Variants in HMGCS1 observed in about 807,000 individuals in gnomAD.
The protein encoded by HMGCS1 is 3-hydroxy-3-methylglutaryl-CoA synthase 1.
Under a neutral mutation model 52.3 loss-of-function variants are expected in HMGCS1, and 9 were observed. That is an observed-to-expected ratio of 0.17 (90% CI 0.10 to 0.30). The LOEUF (loss-of-function observed/expected upper bound fraction) is 0.30. HMGCS1 is among the 10% of genes least tolerant of loss of function. The pLI, the probability that HMGCS1 is intolerant of heterozygous loss-of-function variation, is 1.00. For missense variants in HMGCS1, 320 were observed against 620.9 expected, an observed-to-expected ratio of 0.52 and a Z score of 5.15; for synonymous variants, 176 against 214.4, an observed-to-expected ratio of 0.82 and a Z score of 1.57.
intron 1 of HMGCS1, among the ~76,000 whole-genome samples, chr5:43,311,333 A>G (rs1754858206): frequency 1.3e-5 from 2 of 152,080 alleles, no homozygotes; most frequent in Admixed American, 1.3e-4. Flanking sequence ...AAAAAAAAAA[A>G]AAAAAAAAAA....
chr5:43,297,250 A>G, intron 4 of HMGCS1, 84 bp from the exon 5 acceptor site: 2 of 1,098,538 alleles, frequency 1.8e-6, no homozygotes, highest in Non-Finnish European at 2.6e-6. Context: ...TTATCTAAGG[A>G]CCTTCCTTAA....
chr5:43,312,813 A>T lies in HMGCS1; in HGVS notation c.-70+543T>A, dbSNP rs143162223. On this transcript the variant is annotated intron_variant, in intron 1 of 10. Coordinates refer to ENST00000325110, the MANE Select transcript of HMGCS1 (RefSeq NM_001098272.3). ...ATCACGGTTGTGAACGCTTTCTTGCACCTGAGCTGAGGAAGAAAAGTAATG... is the reference window on the plus strand; with the variant it reads ...ATCACGGTTGTGAACGCTTTCTTGCTCCTGAGCTGAGGAAGAAAAGTAATG... Among the ~76,000 whole-genome samples, 275 of 152,288 alleles carry T rather than the reference A, an allele frequency of 1.8e-3. 2 individuals carry two copies. The highest frequency in any genetic ancestry group is 7.1e-4 in the Non-Finnish European group (48 of 68,024).
At chr5:43,300,957 C>A (rs769207958) in intron 2 of HMGCS1, among the ~76,000 whole-genome samples, 1 of 151,898 alleles carries the variant, frequency 6.6e-6, no homozygotes, top group East Asian at 1.9e-4. Flanking sequence ...CTTATCCTCT[C>A]GAATATTCAC....
At position 43,298,227 on chromosome 5, in the gene HMGCS1, C is replaced by A; in HGVS notation, c.449-93G>T. The A allele has an allele frequency of 9.2e-7, 1 of 1,091,882 alleles. No homozygotes were observed. The highest frequency in any genetic ancestry group is 1.3e-6 in the Non-Finnish European group (1 of 762,328). The allele number at this position is 1,091,882 out of a possible 1,614,324, so 67.6% of individuals were successfully genotyped here. ...TCTGTTATATTTTCCCCAGAATATG[C>A]TTTTCCCTTCTTTGATAAAGAAAGA... On this transcript the variant is annotated intron_variant, in intron 3 of 10. Transcript: ENST00000325110. This position sits in a 1 kb window ranked among gnomAD's most constrained non-coding sequence, Gnocchi z 5.6.
chr5:43,300,343 T>C (rs1309787517), intron 2 of HMGCS1, among the ~76,000 whole-genome samples: 2 of 152,198 alleles, frequency 1.3e-5, no homozygotes, highest in Non-Finnish European at 2.9e-5. Context: ...AGAATTTCAT[T>C]GACCCAAAGG....
intron 8 of HMGCS1, 95 bp from the exon 9 acceptor site, chr5:43,293,068 C>T: frequency 9.8e-7 from 1 of 1,023,848 alleles, no homozygotes; most frequent in Non-Finnish European, 1.5e-6. Context: ...GGCAAAACAA[C>T]TTTTCATTTT....
At chr5:43,292,439 C>G (rs1561108519) in intron 10 of HMGCS1, 35 bp downstream of exon 10, 3 of 1,591,978 alleles carry the variant, frequency 1.9e-6, no homozygotes, top group African/African-American at 2.7e-5. Context: ...GTCTCCTAAA[C>G]CCTAAGATAT....
At position 43,306,164 on chromosome 5, in the gene HMGCS1, C is replaced by T. The variant is rs546018815; in HGVS notation, c.-11+1602G>A. Among the ~76,000 whole-genome samples the T allele has an allele frequency of 6.6e-5, 10 of 152,310 alleles. No homozygotes were observed. The East Asian group carries it at 1.9e-3, about 29-fold the overall frequency. ...TCCCTCTGGTGGACAAAAGAAACTC[C>T]ATATGCTATTTCCAGAATCAGTAAA... On this transcript the variant is annotated intron_variant, in intron 2 of 10. Transcript: ENST00000325110.
Position 43,300,256 on chromosome 5 carries a change from G to GA in HMGCS1, c.-10-1282dup, listed in dbSNP as rs566666359. On this transcript the variant is annotated intron_variant, in intron 2 of 10. Coordinates refer to ENST00000325110, the MANE Select transcript of HMGCS1 (RefSeq NM_001098272.3). ...GCACAGCTCCTCAGTTTTAGAGAAAGAATCCTAAAACCTAAAATTCTACAA... is the reference window on the plus strand; with the variant it reads ...GCACAGCTCCTCAGTTTTAGAGAAAGAAATCCTAAAACCTAAAATTCTACAA... Among the ~76,000 whole-genome samples the GA allele has an allele frequency of 2.6e-5, 4 of 152,302 alleles. 1 individual carries two copies. The South Asian group carries it at 8.3e-4, about 32-fold the overall frequency.
At chr5:43,295,605 C>G (rs1042790599) in intron 6 of HMGCS1, 147 bp downstream of exon 6, 2 of 582,494 alleles carry the variant, frequency 3.4e-6, no homozygotes, top group African/African-American at 3.7e-5. Flanking sequence ...GACTTAGATT[C>G]TTCACTGACT....
intron 1 of HMGCS1, among the ~76,000 whole-genome samples, chr5:43,311,335 A>T (rs1754858379): frequency 6.6e-6 from 1 of 152,100 alleles, no homozygotes. Flanking sequence ...AAAAAAAAAA[A>T]AAAAAAAATC....
intron 7 of HMGCS1, 158 bp from the exon 8 acceptor site, chr5:43,294,320 G>A (rs1753927873): frequency 3.5e-6 from 2 of 573,366 alleles, no homozygotes; most frequent in Admixed American, 3.2e-5. Flanking sequence ...ATTGCAGTAG[G>A]GAATATAACT....
At chr5:43,291,250 C>T in intron 10 of HMGCS1, 30 bp from the exon 11 acceptor site, 1 of 1,291,628 alleles carries the variant, frequency 7.7e-7, no homozygotes, top group Non-Finnish European at 1.1e-6. Context: ...GTTGATGGCT[C>T]TTATGATTCT....
intron 2 of HMGCS1, among the ~76,000 whole-genome samples, chr5:43,303,267 T>C (rs1197924266): frequency 6.6e-6 from 1 of 152,272 alleles, no homozygotes; most frequent in Non-Finnish European, 1.5e-5. Flanking sequence ...CTCAATGTGA[T>C]GGCATTTGGA....
rs1195609168 is a variant in HMGCS1 at position 43,298,177 on chromosome 5, C to T, written c.449-43G>A. On this transcript the variant is annotated intron_variant, in intron 3 of 10. Coordinates refer to ENST00000325110, the MANE Select transcript of HMGCS1 (RefSeq NM_001098272.3). The surrounding 1 kb of genome is among the most constrained non-coding windows in gnomAD (Gnocchi z 5.6). ...TTATTTCACAAGAAGGAATTCAACA[C>T]TATAACCAAACATGGAAACTGAAGT... The T allele has an allele frequency of 1.9e-6, 3 of 1,545,084 alleles. No individual in the cohort carries two copies. The highest frequency in any genetic ancestry group is 1.8e-6 in the Non-Finnish European group (2 of 1,134,330).
At chr5:43,294,520 T>C in intron 7 of HMGCS1, 171 bp downstream of exon 7, 1 of 522,010 alleles carries the variant, frequency 1.9e-6, no homozygotes, top group Non-Finnish European at 3.3e-6. Context: ...CTGGAAGAAC[T>C]GTAGCCTCAA....
chr5:43,293,715 A>AT lies in HMGCS1; in HGVS notation c.1183+340dup, dbSNP rs34929647. 1,172 of 147,300 alleles carry AT rather than the reference A, an allele frequency of 8.0e-3. 26 individuals are homozygous for AT. The highest frequency in any genetic ancestry group is 0.07 in the East Asian group (366 of 5,200). 9.1% of individuals were successfully genotyped at this position (147,300 alleles called of 1,614,324 possible). ...ACTTCCCCAGAGTAGTTCTCAATAC[A>AT]TTTTTTTTTTTTTTTTTTGACAGAG... On this transcript the variant is annotated intron_variant, in intron 8 of 10. Transcript: ENST00000325110.
At chr5:43,292,722 C>A in intron 9 of HMGCS1, 85 bp from the exon 10 acceptor site, 1 of 1,500,424 alleles carries the variant, frequency 6.7e-7, no homozygotes, top group Non-Finnish European at 9.2e-7. Context: ...TTCATATATC[C>A]CAATAATTTT....
intron 2 of HMGCS1, among the ~76,000 whole-genome samples, chr5:43,299,649 CAAA>C (rs1184736539): frequency 8.9e-6 from 1 of 112,122 alleles, no homozygotes. Flanking sequence ...GACTCCGTCT[CAAA>C]AAAAAAAAAA....
Sources: allele counts gnomAD v4.1 joint callset (sites outside exome capture counted in the v4.1 genomes callset), GRCh38; gene constraint gnomAD v4.1.1; non-coding constraint Gnocchi (gnomAD v3.1); transcripts MANE v1.5; gene names NCBI Gene and HGNC (gene_info 2026-07-23, HGNC 2026-07-21).